ST3GAL5: variants seen among roughly 807,000 people sequenced by gnomAD.
The protein encoded by ST3GAL5 is lactosylceramide alpha-2,3-sialyltransferase.
ST3GAL5 carries 25 observed loss-of-function variants against 46.1 expected under a neutral mutation model. The ratio of observed to expected loss-of-function variants is 0.54; its 90% CI spans 0.40 to 0.76. ST3GAL5 has a LOEUF of 0.76. ST3GAL5 is among the 30% of genes least tolerant of loss of function. The probability of loss-of-function intolerance (pLI) is 0.00; values close to 1 mark genes in which losing one functional copy is unlikely to be tolerated. For missense variants in ST3GAL5, 431 were observed against 521.2 expected (o/e 0.83, Z 1.69); for synonymous variants, 182 against 192.7 (o/e 0.94, Z 0.46).
chr2:85,846,274 G>T, intron 5 of ST3GAL5, 103 bp downstream of exon 5: 1 of 1,004,142 alleles, frequency 1.0e-6, no homozygotes, highest in Non-Finnish European at 1.5e-6. Flanking sequence ...ACATAAGTAT[G>T]CATTCCGCTC....
At chr2:85,883,641 G>A (rs1289994407) in intron 1 of ST3GAL5, among the ~76,000 whole-genome samples, 1 of 152,176 alleles carries the variant, frequency 6.6e-6, no homozygotes, top group East Asian at 1.9e-4. Flanking sequence ...AGTGCAGCGT[G>A]CCTAAAGAAC....
intron 2 of ST3GAL5, among the ~76,000 whole-genome samples, chr2:85,862,688 A>T (rs768775999): frequency 6.6e-5 from 10 of 152,272 alleles, no homozygotes; most frequent in Non-Finnish European, 1.2e-4. Context: ...GGCCTCAATA[A>T]ATATTGGTTG....
intron 3 of ST3GAL5, chr2:85,851,203 C>T: frequency 9.7e-7 from 1 of 1,032,898 alleles, no homozygotes; most frequent in Non-Finnish European, 1.2e-6. Flanking sequence ...ATGTGAGCCA[C>T]CACGCCCAGC....
intron 3 of ST3GAL5, among the ~76,000 whole-genome samples, chr2:85,859,466 G>C (rs1684498078): frequency 6.6e-6 from 1 of 152,210 alleles, no homozygotes; most frequent in Non-Finnish European, 1.5e-5. Flanking sequence ...AGTCCAGGAA[G>C]AAAGGGAAGC....
rs557747294 is a variant in ST3GAL5 at position 85,870,834 on chromosome 2, GCC to G, written c.83-7351_83-7350del. Reference sequence around the variant, plus strand: ...TGGGATTACAGGTGCCCGCCACCATGCCCAGCTAATTTTTGTATTTTCAGTAG... The same window carrying G: ...TGGGATTACAGGTGCCCGCCACCATGCAGCTAATTTTTGTATTTTCAGTAG... On this transcript the variant is annotated intron_variant, in intron 1 of 6. Transcript: ENST00000638572. Among the ~76,000 whole-genome samples, 3 of 148,038 alleles carry G rather than the reference GCC, an allele frequency of 2.0e-5. No homozygotes were observed. In the South Asian group the frequency reaches 7.0e-4, roughly 34 times the overall value.
At chr2:85,877,073 T>C (rs1686663586) in intron 1 of ST3GAL5, among the ~76,000 whole-genome samples, 1 of 152,248 alleles carries the variant, frequency 6.6e-6, no homozygotes, top group Non-Finnish European at 1.5e-5. Flanking sequence ...TGTGTGCATA[T>C]TTATTGGACC....
chr2:85,886,573 T>A (rs1052157080), intron 1 of ST3GAL5, among the ~76,000 whole-genome samples: 1 of 152,206 alleles, frequency 6.6e-6, no homozygotes, highest in Non-Finnish European at 1.5e-5. Context: ...AAGTTTTGTC[T>A]GTCTGGTGTC....
chr2:85,878,315 C>T (rs1234959832), intron 1 of ST3GAL5, among the ~76,000 whole-genome samples: 1 of 152,164 alleles, frequency 6.6e-6, no homozygotes. Context: ...CAGTGATACC[C>T]ACTGTTAACA....
chr2:85,862,872 A>G (rs1265802085), intron 2 of ST3GAL5, among the ~76,000 whole-genome samples: 1 of 152,230 alleles, frequency 6.6e-6, no homozygotes, highest in African/African-American at 2.4e-5. Context: ...ATATATGTAA[A>G]AAAAGACACC....
intron 5 of ST3GAL5, 145 bp downstream of exon 5, chr2:85,846,232 A>G: frequency 1.3e-6 from 1 of 789,242 alleles, no homozygotes; most frequent in Non-Finnish European, 2.1e-6. Flanking sequence ...AGGGGTTTCT[A>G]CAAAGAGAGT....
At chr2:85,862,429 A>G (rs1398230827) in intron 2 of ST3GAL5, among the ~76,000 whole-genome samples, 3 of 152,102 alleles carry the variant, frequency 2.0e-5, no homozygotes, top group Non-Finnish European at 4.4e-5. Context: ...AAAACCTAAT[A>G]TTACCTATTC....
chr2:85,866,074 C>T (rs1685256789), intron 1 of ST3GAL5: 2 of 152,262 alleles, frequency 1.3e-5, no homozygotes, highest in Non-Finnish European at 2.9e-5. Flanking sequence ...GTGACAAGTA[C>T]AAGCTTCAGA....
chr2:85,842,422 A>AG (rs1339243463), intron 6 of ST3GAL5, among the ~76,000 whole-genome samples: 2 of 152,276 alleles, frequency 1.3e-5, no homozygotes, highest in Admixed American at 1.3e-4. Flanking sequence ...AACTCCCCAA[A>AG]GCATGTCATC....
At chr2:85,843,309 T>C (rs544232968) in intron 6 of ST3GAL5, among the ~76,000 whole-genome samples, 1 of 152,302 alleles carries the variant, frequency 6.6e-6, no homozygotes, top group African/African-American at 2.4e-5. Context: ...GGGTCAGAGA[T>C]GATTCGTATT....
intron 1 of ST3GAL5, among the ~76,000 whole-genome samples, chr2:85,877,337 C>T (rs1686688675): frequency 6.6e-6 from 1 of 152,228 alleles, no homozygotes; most frequent in Admixed American, 6.5e-5. Flanking sequence ...TTGGCATTCA[C>T]TGTTATGTTC....
At chr2:85,856,729 A>G (rs1346378439) in intron 3 of ST3GAL5, among the ~76,000 whole-genome samples, 1 of 151,646 alleles carries the variant, frequency 6.6e-6, no homozygotes, top group African/African-American at 2.4e-5. Context: ...GACACCACAC[A>G]AGGCTAATGT....
intron 1 of ST3GAL5, chr2:85,888,416 C>CA (rs1688009320): frequency 6.4e-6 from 1 of 155,436 alleles, no homozygotes; most frequent in African/African-American, 2.4e-5. Flanking sequence ...AGAGAGGTTT[C>CA]AGGAGCTGCT....
At chr2:85,875,493 GACA>G (rs746160556) in intron 1 of ST3GAL5, 4 of 151,904 alleles carry the variant, frequency 2.6e-5, no homozygotes, top group Non-Finnish European at 5.9e-5. Context: ...AGGGTTGGGT[GACA>G]ACATTTCTAT....
At chr2:85,883,359 C>A (rs918567640) in intron 1 of ST3GAL5, among the ~76,000 whole-genome samples, 5 of 152,190 alleles carry the variant, frequency 3.3e-5, no homozygotes, top group African/African-American at 1.2e-4. Context: ...CTCCACCATG[C>A]AAGAAGTGCC....
Sources: allele counts gnomAD v4.1 joint callset (sites outside exome capture counted in the v4.1 genomes callset), GRCh38; gene constraint gnomAD v4.1.1; transcripts MANE v1.5; gene names NCBI Gene and HGNC (gene_info 2026-07-23, HGNC 2026-07-21).